Variants in GALNT13 observed in about 807,000 individuals in gnomAD.
The protein encoded by GALNT13 is UDP-GalNAc:polypeptide N-acetylgalactosaminyltransferase 13.
GALNT13 carries 28 observed loss-of-function variants against 64.2 expected under a neutral mutation model. The ratio of observed to expected loss-of-function variants is 0.44; its 90% CI spans 0.32 to 0.60. The LOEUF (loss-of-function observed/expected upper bound fraction) is 0.60. Among genes scored for constraint, GALNT13 ranks in the 20% least tolerant of loss-of-function variants. The pLI, the probability that GALNT13 is intolerant of heterozygous loss-of-function variation, is 0.05. For synonymous variants in GALNT13, 214 were observed against 224.6 expected (o/e 0.95, Z 0.42); for missense variants, 577 against 669.8 (o/e 0.86, Z 1.53).
intron 3 of GALNT13, among the ~76,000 whole-genome samples, chr2:153,954,939 A>C (rs1448846405): frequency 6.6e-6 from 1 of 152,080 alleles, no homozygotes; most frequent in African/African-American, 2.4e-5. Flanking sequence ...AACTATTTAT[A>C]CAAACACGAG....
At chr2:153,486,002 A>G in the GALNT13 span, among the ~76,000 whole-genome samples, 1 of 152,008 alleles carries the variant, frequency 6.6e-6, no homozygotes, top group Non-Finnish European at 1.5e-5. Context: ...CAATGGCATG[A>G]TCTCAGCTTA....
chr2:153,624,410 A>G, the GALNT13 span, among the ~76,000 whole-genome samples: 1 of 152,056 alleles, frequency 6.6e-6, no homozygotes, highest in Non-Finnish European at 1.5e-5. Context: ...TGACTTTTGG[A>G]TAATGGAATA....
chr2:153,881,125 G>A (rs1444684), intron 1 of GALNT13, among the ~76,000 whole-genome samples: 116,890 of 152,140 alleles, frequency 0.77, 45,319 homozygotes, highest in East Asian at 0.96. Context: ...TACTTTTAGA[G>A]TTGTGTGCTT....
chr2:153,126,326 A>T, the GALNT13 span, among the ~76,000 whole-genome samples: 1 of 110,630 alleles, frequency 9.0e-6, no homozygotes, highest in African/African-American at 3.5e-5. Flanking sequence ...ATATATATAT[A>T]TATATATATA....
intron 3 of GALNT13, among the ~76,000 whole-genome samples, chr2:154,134,111 C>T (rs1022897746): frequency 1.3e-5 from 2 of 152,132 alleles, no homozygotes; most frequent in African/African-American, 4.8e-5. Context: ...AGGACCACAC[C>T]TAACTGCAGG....
chr2:153,461,781 C>A, the GALNT13 span, among the ~76,000 whole-genome samples: 106,171 of 151,960 alleles, frequency 0.7, 37,939 homozygotes, highest in Middle Eastern at 0.78. Context: ...ACCTCAGTAG[C>A]TGCCACAATG....
At chr2:153,314,278 A>G in the GALNT13 span, among the ~76,000 whole-genome samples, 1 of 152,148 alleles carries the variant, frequency 6.6e-6, no homozygotes, top group African/African-American at 2.4e-5. Context: ...AACAGAGCTT[A>G]AGAGACCTAT....
At position 154,264,116 on chromosome 2, in the gene GALNT13, A is replaced by G. The variant is rs138970577; in HGVS notation, c.975+4978A>G. Among the ~76,000 whole-genome samples the G allele has an allele frequency of 8.7e-4, 133 of 152,284 alleles. 3 individuals are homozygous for G. In the East Asian group the frequency reaches 0.019, roughly 22 times the overall value. ...CCTGGGCAGAGCATTGAAGAGATAT[A>G]CAGAGGTTTCTGTGGGAGTATTCAG... On this transcript the variant is annotated intron_variant, in intron 8 of 12. Coordinates refer to ENST00000392825, the MANE Select transcript of GALNT13 (RefSeq NM_052917.4).
the GALNT13 span, among the ~76,000 whole-genome samples, chr2:153,345,723 T>TG: frequency 1.9e-4 from 16 of 82,868 alleles, no homozygotes; most frequent in African/African-American, 5.0e-4. Flanking sequence ...CTTTCTGTCC[T>TG]TCCTTCCTTC....
At chr2:153,158,297 C>A in the GALNT13 span, among the ~76,000 whole-genome samples, 1 of 151,848 alleles carries the variant, frequency 6.6e-6, no homozygotes, top group Non-Finnish European at 1.5e-5. Context: ...TTATTTTACA[C>A]AAAAATCTCT....
At chr2:154,244,344 G>A (rs563672570) in intron 6 of GALNT13, among the ~76,000 whole-genome samples, 1 of 152,274 alleles carries the variant, frequency 6.6e-6, no homozygotes, top group South Asian at 2.1e-4. Context: ...AATAAAGGAA[G>A]TGAGAAAAAT....
the GALNT13 span, among the ~76,000 whole-genome samples, chr2:153,621,429 G>C: frequency 6.6e-6 from 1 of 152,070 alleles, no homozygotes; most frequent in Non-Finnish European, 1.5e-5. Context: ...CTTGCCCAAG[G>C]TTTGCTGTAA....
At chr2:153,724,200 G>T in the GALNT13 span, among the ~76,000 whole-genome samples, 17,089 of 140,360 alleles carry the variant, frequency 0.12, 2,021 homozygotes, top group African/African-American at 0.28. Flanking sequence ...AACAAGCAAT[G>T]GGGAAAGGAT....
At chr2:153,079,053 T>C in the GALNT13 span, among the ~76,000 whole-genome samples, 1 of 152,146 alleles carries the variant, frequency 6.6e-6, no homozygotes, top group Admixed American at 6.5e-5. Context: ...TGTTGTTACT[T>C]AGATATGGCA....
the GALNT13 span, among the ~76,000 whole-genome samples, chr2:153,753,204 CAA>C: frequency 6.6e-6 from 1 of 152,074 alleles, no homozygotes; most frequent in Admixed American, 6.6e-5. Flanking sequence ...ATTACCTATA[CAA>C]TAGGTCACAT....
chr2:154,227,688 C>T (rs1688694540), intron 4 of GALNT13, among the ~76,000 whole-genome samples: 2 of 150,454 alleles, frequency 1.3e-5, no homozygotes, highest in South Asian at 4.2e-4. Context: ...GCATACTATT[C>T]CAGGGTGTTT....
chr2:153,533,717 G>GTTTTTTTTTTTT, the GALNT13 span, among the ~76,000 whole-genome samples: 7 of 24,028 alleles, frequency 2.9e-4, no homozygotes, highest in African/African-American at 5.4e-4. Context: ...ATATCCTGAG[G>GTTTTTTTTTTTT]TTTTTCTTTT....
intron 3 of GALNT13, among the ~76,000 whole-genome samples, chr2:154,069,332 T>A (rs141038245): frequency 6.4e-4 from 97 of 151,852 alleles, no homozygotes; most frequent in African/African-American, 2.3e-3. Context: ...TTAAAAAAAA[T>A]AACTGTACTG....
intron 1 of GALNT13, among the ~76,000 whole-genome samples, chr2:153,894,116 C>G (rs1283775248): frequency 6.6e-6 from 1 of 152,044 alleles, no homozygotes; most frequent in Admixed American, 6.6e-5. Context: ...TCATTGAACA[C>G]TCTTCACGTT....
Sources: allele counts gnomAD v4.1 joint callset (sites outside exome capture counted in the v4.1 genomes callset), GRCh38; gene constraint gnomAD v4.1.1; transcripts MANE v1.5; gene names NCBI Gene and HGNC (gene_info 2026-07-23, HGNC 2026-07-21).